The following GOT1L1 variants were observed in gnomAD, a reference collection of about 807,000 sequenced individuals.
GOT1L1 encodes the protein aspartate aminotransferase, cytoplasmic 2.
A neutral mutation model predicts 43.6 loss-of-function variants in GOT1L1; 38 were observed. The ratio of observed to expected loss-of-function variants is 0.87; its 90% CI spans 0.67 to 1.14. The LOEUF is 1.14. GOT1L1 is among the 50% of genes most tolerant of loss of function. The pLI is 0.00. For synonymous variants in GOT1L1, 183 were observed against 187.2 expected, an observed-to-expected ratio of 0.98 and a Z score of 0.18; for missense variants, 482 against 504.0, an observed-to-expected ratio of 0.96 and a Z score of 0.42.
At chr8:37,939,581 G>A (rs967209636) in intron 1 of GOT1L1, among the ~76,000 whole-genome samples, 1 of 150,998 alleles carries the variant, frequency 6.6e-6, no homozygotes, top group Admixed American at 6.6e-5. Flanking sequence ...AACCATTCTT[G>A]GTTCAAGAAC....
At position 37,938,824 on chromosome 8, in the gene GOT1L1, A is replaced by T. The variant is rs769759796; in HGVS notation, c.173T>A (p.Leu58Gln). Residue 58 changes from leucine to glutamine, a missense_variant, in exon 2 of 9, where the codon CTA (leucine) becomes CAA (glutamine). Physicochemically the swap from Leu to Gln is moderately radical, Grantham distance 113 (BLOSUM62 -2). Transcript: ENST00000307599. ...WVSLVVQKTRLQISQDPSLNY... is the reference protein window; with the variant it reads ...WVSLVVQKTRQQISQDPSLNY... ...CAGGGAGGGATCCTGTGAAATCTGT[A>T]GTCGAGTCTTCTGCACCACGAGAGA... 6.2e-7 allele frequency: 1 copy of T among 1,613,890 alleles called. No individual in the cohort carries two copies. Among genetic ancestry groups the T allele is most frequent in the South Asian group, 1.1e-5 (1 of 91,052 alleles).
chr8:37,939,425 AAAAAAAATATATATATAT>A (rs1807853610), intron 1 of GOT1L1, among the ~76,000 whole-genome samples: 3 of 51,530 alleles, frequency 5.8e-5, no homozygotes, highest in African/African-American at 2.5e-4. Context: ...AGAAAAAAAA[AAAAAAAATATATATATAT>A]ATATATATAT....
chr8:37,940,075 G>T lies in GOT1L1; in HGVS notation c.-46C>A. The stretch of plus-strand genomic sequence containing the variant: ...CAAGACTATGTGTCTCTGCTCCTGT[G>T]TTCCGCTTCTGCCCAGAAGTCTTCC... On this transcript the variant is annotated 5_prime_UTR_variant, in exon 1 of 9. Coordinates refer to ENST00000307599, the MANE Select transcript of GOT1L1 (RefSeq NM_152413.3). The T allele has an allele frequency of 6.4e-7, 1 of 1,570,746 alleles. No individual in the cohort carries two copies. Among genetic ancestry groups the T allele is most frequent in the Non-Finnish European group, 8.6e-7 (1 of 1,157,958 alleles).
intron 6 of GOT1L1, 55 bp from the exon 7 acceptor site, chr8:37,935,924 C>T (rs1370784617): frequency 6.3e-7 from 1 of 1,575,496 alleles, no homozygotes; most frequent in Non-Finnish European, 8.6e-7. Flanking sequence ...CTCCCAAGGC[C>T]TTCACCTAGA....
intron 3 of GOT1L1, 85 bp downstream of exon 3, chr8:37,937,553 G>C: frequency 9.0e-7 from 1 of 1,114,008 alleles, no homozygotes; most frequent in Non-Finnish European, 1.3e-6. Context: ...AGAGAATGAG[G>C]GATAACAGTG....
At chr8:37,938,179 C>T (rs967167931) in intron 2 of GOT1L1, among the ~76,000 whole-genome samples, 6 of 152,228 alleles carry the variant, frequency 3.9e-5, no homozygotes, top group Non-Finnish European at 1.5e-5. Context: ...AGGGAATCCC[C>T]TGAGGCCAGG....
intron 1 of GOT1L1, 59 bp from the exon 2 acceptor site, chr8:37,938,940 C>G: frequency 6.6e-7 from 1 of 1,513,286 alleles, no homozygotes. Context: ...CAGGGCTGAG[C>G]TCTGCAGACA....
In GOT1L1 at chr8:37,937,066, A is replaced by G. The variant is rs775067785; in HGVS notation, c.520-9T>C. 6.2e-7 allele frequency: 1 copy of G among 1,612,844 alleles called. No individual in the cohort carries two copies. The highest frequency in any genetic ancestry group is 1.3e-5 in the African/African-American group (1 of 74,918). Reference sequence around the variant, plus strand: ...CAGCCATGTGGGATCTGCTGCAGGTACAGACGGTCTCATCAGGCTTCACCC... The same window carrying G: ...CAGCCATGTGGGATCTGCTGCAGGTGCAGACGGTCTCATCAGGCTTCACCC... On this transcript the variant is annotated splice_polypyrimidine_tract_variant and intron_variant, in intron 4 of 8. Transcript: ENST00000307599.
At chr8:37,938,213 A>C (rs1364135241) in intron 2 of GOT1L1, among the ~76,000 whole-genome samples, 2 of 152,202 alleles carry the variant, frequency 1.3e-5, no homozygotes, top group Non-Finnish European at 2.9e-5. Context: ...CCTGGCCAAC[A>C]TGGTGAAACC....
rs1807708825 is a variant in GOT1L1 at position 37,935,101 on chromosome 8, A to G, written c.1044T>C (p.Ser348=). The G allele has an allele frequency of 6.2e-7, 1 of 1,613,498 alleles. No individual in the cohort carries two copies. The highest frequency in any genetic ancestry group is 2.2e-5 in the East Asian group (1 of 44,866). ...TGAGTCCAAGATAGCCGTGGGTCCC[A>G]CTCTGCTCGGTGATGTGACCCCAGG... ...PGSWGHITEQ[S]GTHGYLGLNS... The change falls in exon 8 of 9, where the codon AGT becomes AGC. Residue 348 remains serine, a synonymous_variant. Transcript: ENST00000307599.
chr8:37,940,078 C>G lies in GOT1L1; in HGVS notation c.-49G>C. 6.4e-7 allele frequency: 1 copy of G among 1,560,726 alleles called. No individual in the cohort carries two copies. The highest frequency in any genetic ancestry group is 8.7e-7 in the Non-Finnish European group (1 of 1,152,674). On this transcript the variant is annotated 5_prime_UTR_variant, in exon 1 of 9. Coordinates refer to ENST00000307599, the MANE Select transcript of GOT1L1 (RefSeq NM_152413.3). ...GACTATGTGTCTCTGCTCCTGTGTT[C>G]CGCTTCTGCCCAGAAGTCTTCCTCC...
intron 2 of GOT1L1, 45 bp from the exon 3 acceptor site, chr8:37,937,794 A>C: frequency 3.9e-5 from 53 of 1,369,646 alleles, no homozygotes; most frequent in Non-Finnish European, 5.2e-5. Flanking sequence ...GTGGTGGCTC[A>C]CACCTGTAAT....
At chr8:37,935,049 G>C in intron 8 of GOT1L1, 24 bp downstream of exon 8, 1 of 1,613,014 alleles carries the variant, frequency 6.2e-7, no homozygotes, top group Non-Finnish European at 8.5e-7. Context: ...AGAAAGGGGG[G>C]ACACCAGCCC....
chr8:37,936,908 A>T (rs745326964), intron 5 of GOT1L1, 38 bp from the exon 6 acceptor site: 83 of 1,611,622 alleles, frequency 5.2e-5, no homozygotes, highest in Non-Finnish European at 6.9e-5. Flanking sequence ...AATGAGACAG[A>T]TGGAGGAGAG....
chr8:37,939,431 AATATATATAT>A lies in GOT1L1; in HGVS notation c.115+474_115+483del, dbSNP rs1188997870. ...CCTGTCTCAAGAAAAAAAAAAAAAA[AATATATATAT>A]ATATATATATATATATATATATATA... On this transcript the variant is annotated intron_variant, in intron 1 of 8. Coordinates refer to ENST00000307599, the MANE Select transcript of GOT1L1 (RefSeq NM_152413.3). Among the ~76,000 whole-genome samples, 153 of 41,482 alleles carry A rather than the reference AATATATATAT, an allele frequency of 3.7e-3. 1 individual carries two copies. The highest frequency in any genetic ancestry group is 0.012 in the African/African-American group (133 of 11,406). The allele number at this position is 41,482 out of a possible 152,430, so 27.2% of individuals were successfully genotyped here.
rs375104591 is a variant in GOT1L1 at position 37,935,852 on chromosome 8, G to T, written c.781C>A (p.Leu261Ile). 1.9e-6 allele frequency: 3 copies of T among 1,612,710 alleles called. No homozygotes were observed. The highest frequency in any genetic ancestry group is 2.5e-6 in the Non-Finnish European group (3 of 1,179,426). ...TGGTTGTTGACTGCCACCACCACTA[G>T]CATCCCCACTCCTTCATCTGCAGTG... is the stretch of plus-strand genomic sequence containing the variant. ...FGIYDEGVGMLVVVAVNNQQL... is the reference protein window; with the variant it reads ...FGIYDEGVGMIVVVAVNNQQL... The change falls in exon 7 of 9, where the codon CTA becomes ATA. Residue 261 changes from leucine to isoleucine, a missense_variant. Transcript: ENST00000307599.
At chr8:37,936,608 C>T (rs1807763003) in intron 6 of GOT1L1, 112 bp downstream of exon 6, 1 of 939,916 alleles carries the variant, frequency 1.1e-6, no homozygotes. Flanking sequence ...CTATAGTGCT[C>T]TCCCTAGAGT....
In GOT1L1 at chr8:37,935,847, C is replaced by A. The variant is rs371031376; in HGVS notation, c.786G>T (p.Val262=). 1.0e-4 allele frequency: 161 copies of A among 1,612,978 alleles called. No homozygotes were observed. Among genetic ancestry groups the A allele is most frequent in the Non-Finnish European group, 1.3e-4 (156 of 1,179,504 alleles). ...GIYDEGVGML[V]VVAVNNQQLL... ...GCTGCTGGTTGTTGACTGCCACCAC[C>A]ACTAGCATCCCCACTCCTTCATCTG... The change falls in exon 7 of 9, where the codon GTG becomes GTT. Residue 262 remains valine (V), a synonymous_variant. Transcript: ENST00000307599.
At chr8:37,937,164 A>G (rs917966418) in intron 4 of GOT1L1, 107 bp from the exon 5 acceptor site, 4 of 1,271,348 alleles carry the variant, frequency 3.1e-6, no homozygotes, top group African/African-American at 2.9e-5. Context: ...TTGAAGGGCC[A>G]GGCAAATTCA....
Sources: gnomAD v4.1 joint callset for allele counts (sites outside exome capture counted in the v4.1 genomes callset) on GRCh38, gnomAD v4.1.1 for gene constraint, MANE v1.5 for transcripts, NCBI Gene and HGNC (gene_info 2026-07-23, HGNC 2026-07-21) for gene names.